PRKG1: variants seen among roughly 807,000 people sequenced by gnomAD.
The protein encoded by PRKG1 is cGMP-dependent protein kinase 1.
Under a neutral mutation model 88.1 loss-of-function variants are expected in PRKG1, and 35 were observed. The observed-to-expected ratio is 0.40, with a 90% confidence interval of 0.30 to 0.53. The LOEUF (loss-of-function observed/expected upper bound fraction) is 0.53, where lower values mean the gene tolerates loss of function less well. PRKG1 is among the 20% of genes least tolerant of loss of function. PRKG1 has a pLI of 0.59. For missense variants in PRKG1, 540 were observed against 839.8 expected, an observed-to-expected ratio of 0.64 and a Z score of 4.41; for synonymous variants, 303 against 292.5, an observed-to-expected ratio of 1.04 and a Z score of -0.37.
intron 1 of PRKG1, among the ~76,000 whole-genome samples, chr10:51,091,291 T>C (rs1589145689): frequency 6.6e-6 from 1 of 152,166 alleles, no homozygotes; most frequent in South Asian, 2.1e-4. Flanking sequence ...TTTCACTACA[T>C]TTATAGACTT....
intron 2 of PRKG1, among the ~76,000 whole-genome samples, chr10:51,163,370 A>G (rs1370759068): frequency 6.6e-6 from 1 of 152,228 alleles, no homozygotes; most frequent in East Asian, 1.9e-4. Context: ...TCAAACTCCT[A>G]TGAAGATGGT....
chr10:51,546,745 T>G (rs908212470), intron 3 of PRKG1, among the ~76,000 whole-genome samples: 3 of 152,072 alleles, frequency 2.0e-5, no homozygotes, highest in African/African-American at 7.2e-5. Flanking sequence ...CTCATCCTAC[T>G]TATCCACAGT....
chr10:51,268,010 G>T (rs1177284854), intron 2 of PRKG1, among the ~76,000 whole-genome samples: 1 of 152,152 alleles, frequency 6.6e-6, no homozygotes, highest in Non-Finnish European at 1.5e-5. Context: ...AACAGTCTGA[G>T]AAATAAAGGG....
chr10:51,054,158 G>A (rs1843600512), intron 1 of PRKG1, among the ~76,000 whole-genome samples: 1 of 151,440 alleles, frequency 6.6e-6, no homozygotes, highest in African/African-American at 2.4e-5. Context: ...ACCTCATCTT[G>A]AACTAAACCA....
At chr10:51,573,693 C>G (rs1837813611) in intron 3 of PRKG1, among the ~76,000 whole-genome samples, 1 of 151,818 alleles carries the variant, frequency 6.6e-6, no homozygotes, top group South Asian at 2.1e-4. Context: ...TTAGGCCCCA[C>G]ATAACCTTCA....
chr10:51,405,852 G>C (rs563785821), intron 2 of PRKG1, among the ~76,000 whole-genome samples: 1 of 152,244 alleles, frequency 6.6e-6, no homozygotes, highest in East Asian at 1.9e-4. Flanking sequence ...GGGAGATACG[G>C]CAAGTTCCAC....
At chr10:51,417,084 T>C (rs950074210) in intron 2 of PRKG1, among the ~76,000 whole-genome samples, 2 of 152,220 alleles carry the variant, frequency 1.3e-5, no homozygotes, top group African/African-American at 4.8e-5. Context: ...TTATGTTTCT[T>C]AACATATTTT....
At chr10:51,806,872 A>C (rs1839321612) in intron 4 of PRKG1, among the ~76,000 whole-genome samples, 1 of 152,108 alleles carries the variant, frequency 6.6e-6, no homozygotes. Flanking sequence ...TTTTCACAGC[A>C]CATTCCCTCT....
intron 5 of PRKG1, among the ~76,000 whole-genome samples, chr10:52,013,325 A>G (rs1031506270): frequency 6.6e-6 from 1 of 151,954 alleles, no homozygotes. Context: ...AGGCTGCGGC[A>G]GGAGAATGGT....
chr10:51,500,407 T>C (rs901237027), intron 3 of PRKG1, among the ~76,000 whole-genome samples: 1 of 152,250 alleles, frequency 6.6e-6, no homozygotes, highest in Non-Finnish European at 1.5e-5. Flanking sequence ...GATCATATTT[T>C]GTATTTGTGA....
rs181438438 is a variant in PRKG1 at position 51,498,635 on chromosome 10, A to G, written c.592+30799A>G. ...AGTGAAGGAATGAATGAATAAGTAG[A>G]TAAGTGGTGTCTATAATCCCTGAGT... is the stretch of plus-strand genomic sequence containing the variant. On this transcript the variant is annotated intron_variant, in intron 3 of 17. Transcript: ENST00000373980. Among the ~76,000 whole-genome samples, 15 of 152,332 alleles carry G rather than the reference A, an allele frequency of 9.8e-5. No homozygotes were observed. In the East Asian group the frequency reaches 2.5e-3, roughly 25 times the overall value.
intron 6 of PRKG1, among the ~76,000 whole-genome samples, chr10:52,058,964 T>A (rs1846172894): frequency 6.6e-6 from 1 of 151,510 alleles, no homozygotes; most frequent in Non-Finnish European, 1.5e-5. Context: ...CACCTAAAAA[T>A]CAACAAAAAA....
intron 9 of PRKG1, among the ~76,000 whole-genome samples, chr10:52,168,792 A>G (rs1838570857): frequency 6.6e-6 from 1 of 152,158 alleles, no homozygotes; most frequent in Non-Finnish European, 1.5e-5. Context: ...AAGGAGGAAA[A>G]GGTCAGGGAA....
intron 2 of PRKG1, among the ~76,000 whole-genome samples, chr10:51,307,320 A>G (rs921394041): frequency 6.6e-6 from 1 of 152,078 alleles, no homozygotes; most frequent in African/African-American, 2.4e-5. Flanking sequence ...TATTATCTTA[A>G]TTTTGTAGAA....
At chr10:52,287,712 A>T (rs1178268515) in intron 14 of PRKG1, among the ~76,000 whole-genome samples, 2 of 151,906 alleles carry the variant, frequency 1.3e-5, no homozygotes, top group Admixed American at 1.3e-4. Context: ...AAAAAAAAAA[A>T]AAAAAAAAAT....
chr10:51,106,382 G>A (rs1844832102), intron 1 of PRKG1, among the ~76,000 whole-genome samples: 1 of 152,182 alleles, frequency 6.6e-6, no homozygotes, highest in African/African-American at 2.4e-5. Flanking sequence ...CGATGGTTCA[G>A]CTAGAGAAAC....
At chr10:52,250,297 T>A (rs902210426) in intron 9 of PRKG1, among the ~76,000 whole-genome samples, 5 of 152,184 alleles carry the variant, frequency 3.3e-5, no homozygotes, top group African/African-American at 1.2e-4. Flanking sequence ...TGGAAAACAA[T>A]GTTGTTTTTA....
At chr10:51,775,446 A>T (rs929618254) in intron 3 of PRKG1, among the ~76,000 whole-genome samples, 3 of 152,168 alleles carry the variant, frequency 2.0e-5, no homozygotes, top group African/African-American at 4.8e-5. Context: ...TATGACATGG[A>T]CATTTTGAAT....
At chr10:51,484,608 G>C (rs1004942708) in intron 3 of PRKG1, among the ~76,000 whole-genome samples, 1 of 152,026 alleles carries the variant, frequency 6.6e-6, no homozygotes, top group Non-Finnish European at 1.5e-5. Flanking sequence ...CATTTTTAAT[G>C]TATACTCTGT....
Sources: allele counts gnomAD v4.1 joint callset (sites outside exome capture counted in the v4.1 genomes callset), GRCh38; gene constraint gnomAD v4.1.1; transcripts MANE v1.5; gene names NCBI Gene and HGNC (gene_info 2026-07-23, HGNC 2026-07-21).